The following MRPL43 variants were observed in gnomAD, a reference collection of about 807,000 sequenced individuals.
The protein encoded by MRPL43 is large ribosomal subunit protein mL43.
A neutral mutation model predicts 12.7 loss-of-function variants in MRPL43; 9 were observed. The ratio of observed to expected loss-of-function variants is 0.71; its 90% CI spans 0.43 to 1.24. The LOEUF (loss-of-function observed/expected upper bound fraction) is 1.24. MRPL43 is among the 50% of genes most tolerant of loss of function. The pLI is 0.00. For missense variants in MRPL43, 211 were observed against 229.2 expected, an observed-to-expected ratio of 0.92 and a Z score of 0.51; for synonymous variants, 116 against 96.4, an observed-to-expected ratio of 1.20 and a Z score of -1.19.
At chr10:100,987,006 G>C in intron 2 of MRPL43, 31 bp from the exon 3 acceptor site, 1 of 1,604,930 alleles carries the variant, frequency 6.2e-7, no homozygotes, top group South Asian at 1.1e-5. Flanking sequence ...GTGGGTGGAA[G>C]CTGGCCGGTG....
At chr10:100,978,755 T>C, downstream of MRPL43, 1 of 1,563,756 alleles carries the variant, frequency 6.4e-7, no homozygotes, top group South Asian at 1.2e-5. Flanking sequence ...GTCCATTCCA[T>C]TCCTGTGTGT....
At chr10:100,980,289 G>A, downstream of MRPL43, 2 of 1,614,194 alleles carry the variant, frequency 1.2e-6, no homozygotes, top group Admixed American at 3.3e-5. Context: ...ACCTTACAGG[G>A]ACACCTGTCA....
At chr10:100,983,979 C>T (rs574711696), downstream of MRPL43, 10 of 1,610,752 alleles carry the variant, frequency 6.2e-6, no homozygotes, top group East Asian at 4.5e-5. Flanking sequence ...CAGCCGGCTG[C>T]GGAGGATGAA....
downstream of MRPL43, chr10:100,984,259 G>A (rs1851306652): frequency 6.9e-7 from 1 of 1,445,584 alleles, no homozygotes; most frequent in Non-Finnish European, 9.0e-7. Flanking sequence ...ACTTTTTGAT[G>A]TCCCTGTAGG....
At chr10:100,978,705 G>C (rs1336550744), downstream of MRPL43, 1 of 1,564,836 alleles carries the variant, frequency 6.4e-7, no homozygotes, top group Non-Finnish European at 8.8e-7. Context: ...TACTCCCTTG[G>C]CCAGCTGACC....
downstream of MRPL43, chr10:100,981,683 A>T: frequency 9.2e-7 from 1 of 1,086,336 alleles, no homozygotes; most frequent in South Asian, 1.4e-5. Context: ...CATTATTATT[A>T]TCCCCATGAG....
At position 100,986,414 on chromosome 10, in the gene MRPL43, T is replaced by G. The variant is rs184261788; in HGVS notation, c.*320A>C. ...ATCAGGGATTCTTCAGAAGCCAGCCTTCAGACCTCTCACTGTGTTTTGAGA... is the reference window on the plus strand; with the variant it reads ...ATCAGGGATTCTTCAGAAGCCAGCCGTCAGACCTCTCACTGTGTTTTGAGA... On this transcript the variant is annotated 3_prime_UTR_variant, in exon 3 of 3. Coordinates refer to ENST00000318364, the MANE Select transcript of MRPL43 (RefSeq NM_032112.3). The G allele has an allele frequency of 1.2e-5, 18 of 1,491,574 alleles. No homozygotes were observed. The Admixed American group carries it at 4.4e-4, about 36-fold the overall frequency. The allele number at this position is 1,491,574 out of a possible 1,614,324, so 92.4% of individuals were successfully genotyped here.
chr10:100,984,840 G>A (rs1243979563), downstream of MRPL43: 2 of 1,508,312 alleles, frequency 1.3e-6, no homozygotes, highest in Admixed American at 4.1e-5. Context: ...CCCTTCCTGT[G>A]TGGCCCTTGT....
At chr10:100,978,589 C>G, downstream of MRPL43, 1 of 1,614,114 alleles carries the variant, frequency 6.2e-7, no homozygotes, top group Non-Finnish European at 8.5e-7. Context: ...CCGCCGGAGC[C>G]GCCACCCACA....
chr10:100,987,451 G>C lies in MRPL43; in HGVS notation c.-8C>G. ...AGTCCCGCGCGCCGTCATAGCTACA[G>C]CTTGGAGGCCGCGGAGCCTAAGCAG... On this transcript the variant is annotated 5_prime_UTR_variant, in exon 1 of 3. Coordinates refer to ENST00000318364, the MANE Select transcript of MRPL43 (RefSeq NM_032112.3). 2 of 1,611,686 alleles carry C rather than the reference G, an allele frequency of 1.2e-6. No homozygotes were observed. The highest frequency in any genetic ancestry group is 1.1e-5 in the South Asian group (1 of 91,052).
downstream of MRPL43, chr10:100,978,339 G>T (rs374443024): frequency 6.2e-6 from 10 of 1,613,740 alleles, no homozygotes; most frequent in Non-Finnish European, 7.6e-6. Context: ...AGGAGGGGAA[G>T]GAGAAGTGTC....
downstream of MRPL43, chr10:100,979,231 C>T (rs772280066): frequency 8.7e-6 from 14 of 1,614,018 alleles, no homozygotes; most frequent in South Asian, 6.6e-5. Context: ...AACCTCAAGC[C>T]GTACACACTT....
downstream of MRPL43, chr10:100,980,753 G>A (rs1243551107): frequency 3.8e-5 from 61 of 1,605,904 alleles, no homozygotes; most frequent in Non-Finnish European, 4.9e-5. Context: ...GGAGTGGGGA[G>A]GTTGGGCAGA....
chr10:100,978,342 G>T, downstream of MRPL43: 1 of 1,613,782 alleles, frequency 6.2e-7, no homozygotes, highest in Non-Finnish European at 8.5e-7. Context: ...AGGGGAAGGA[G>T]AAGTGTCCTT....
At chr10:100,984,158 T>C, downstream of MRPL43, 1 of 1,579,522 alleles carries the variant, frequency 6.3e-7, no homozygotes, top group Non-Finnish European at 8.6e-7. Context: ...CAAATGCTCT[T>C]CCAAGCCAGC....
chr10:100,981,186 C>A, downstream of MRPL43: 1 of 1,614,178 alleles, frequency 6.2e-7, no homozygotes, highest in Non-Finnish European at 8.5e-7. Context: ...TGATACAGGA[C>A]ATAGAGAGAG....
chr10:100,978,641 G>A, downstream of MRPL43: 1 of 1,612,904 alleles, frequency 6.2e-7, no homozygotes, highest in Non-Finnish European at 8.5e-7. Context: ...TGGCTCAATG[G>A]TTAGGAGGAT....
chr10:100,980,976 C>A (rs760597640), downstream of MRPL43: 5 of 1,599,530 alleles, frequency 3.1e-6, no homozygotes, highest in African/African-American at 5.4e-5. Flanking sequence ...ACCACCATAG[C>A]CAACAGGTCC....
chr10:100,981,739 A>C (rs988322844), downstream of MRPL43, among the ~76,000 whole-genome samples: 2 of 152,194 alleles, frequency 1.3e-5, no homozygotes, highest in African/African-American at 4.8e-5. Flanking sequence ...GCTCAAACTT[A>C]TTCAGCTATT....
Sources: allele counts gnomAD v4.1 joint callset (sites outside exome capture counted in the v4.1 genomes callset), GRCh38; gene constraint gnomAD v4.1.1; transcripts MANE v1.5; gene names NCBI Gene and HGNC (gene_info 2026-07-23, HGNC 2026-07-21).